The following VPS8 variants were observed in gnomAD, a reference collection of about 807,000 sequenced individuals.
VPS8 encodes vacuolar protein sorting-associated protein 8 homolog.
Under a neutral mutation model 216.4 loss-of-function variants are expected in VPS8, and 129 were observed. The observed-to-expected ratio is 0.60, with a 90% confidence interval of 0.52 to 0.69. The LOEUF is 0.69. VPS8 is among the 30% of genes least tolerant of loss of function. VPS8 has a pLI of 0.00. For missense variants in VPS8, 1,531 were observed against 1,683.5 expected, an observed-to-expected ratio of 0.91 and a Z score of 1.59; for synonymous variants, 571 against 565.4, an observed-to-expected ratio of 1.01 and a Z score of -0.14.
chr3:184,966,510 T>C (rs1366727628), intron 38 of VPS8, among the ~76,000 whole-genome samples, 161 bp from the exon 39 acceptor site: 1 of 152,224 alleles, frequency 6.6e-6, no homozygotes, highest in Non-Finnish European at 1.5e-5. Context: ...AGCTGTACTT[T>C]CTATAAACAG....
At chr3:184,988,271 T>C (rs1303826451) in intron 42 of VPS8, among the ~76,000 whole-genome samples, 4 of 152,222 alleles carry the variant, frequency 2.6e-5, no homozygotes, top group Non-Finnish European at 5.9e-5. Context: ...TTCTCATTTG[T>C]TTTTTCCTAA....
chr3:184,976,925 G>A (rs1335364765), intron 40 of VPS8, among the ~76,000 whole-genome samples: 1 of 152,062 alleles, frequency 6.6e-6, no homozygotes, highest in East Asian at 1.9e-4. Context: ...GTCAACATAT[G>A]GTACATGTAT....
chr3:184,863,097 A>G (rs752109828), intron 16 of VPS8, 30 bp downstream of exon 16: 3 of 1,603,136 alleles, frequency 1.9e-6, no homozygotes, highest in Non-Finnish European at 2.6e-6. Flanking sequence ...TTGCTATCCT[A>G]GAAAATACTT....
At chr3:184,964,849 C>T (rs1747126575) in intron 38 of VPS8, among the ~76,000 whole-genome samples, 1 of 152,142 alleles carries the variant, frequency 6.6e-6, no homozygotes, top group African/African-American at 2.4e-5. Context: ...TCAGGGGACA[C>T]CTGGGCTGCT....
At chr3:185,044,839 C>A (rs1712502197) in intron 46 of VPS8, among the ~76,000 whole-genome samples, 1 of 152,150 alleles carries the variant, frequency 6.6e-6, no homozygotes, top group Non-Finnish European at 1.5e-5. Flanking sequence ...AGTTTTGAGG[C>A]ATTGGAGAAT....
At chr3:184,923,332 A>G (rs1469240274) in intron 29 of VPS8, among the ~76,000 whole-genome samples, 1 of 152,112 alleles carries the variant, frequency 6.6e-6, no homozygotes, top group East Asian at 1.9e-4. Context: ...GGCTCAAAAA[A>G]TGTCCTGTTT....
At chr3:184,844,219 C>T (rs370743111) in intron 8 of VPS8, among the ~76,000 whole-genome samples, 103 of 151,984 alleles carry the variant, frequency 6.8e-4, no homozygotes, top group African/African-American at 2.3e-3. Flanking sequence ...GTCAGTAGTT[C>T]GAGACCAGCC....
chr3:185,012,663 T>TAA (rs201795574), intron 45 of VPS8, among the ~76,000 whole-genome samples: 36 of 151,516 alleles, frequency 2.4e-4, no homozygotes, highest in Middle Eastern at 6.8e-3. Context: ...GATTTCTCAT[T>TAA]TAAAAAAAAA....
At chr3:184,861,672 TTGTTTTGTAAA>T (rs1185827471) in intron 15 of VPS8, among the ~76,000 whole-genome samples, 1 of 152,230 alleles carries the variant, frequency 6.6e-6, no homozygotes. Context: ...ATTAACTGCA[TTGTTTTGTAAA>T]TTACCCTTAA....
chr3:184,940,207 T>C lies in VPS8; in HGVS notation c.2999T>C (p.Leu1000Ser). 6.7e-7 allele frequency: 1 copy of C among 1,496,826 alleles called. No individual in the cohort carries two copies. The highest frequency in any genetic ancestry group is 9.0e-7 in the Non-Finnish European group (1 of 1,116,008). 92.7% of individuals were successfully genotyped at this position (1,496,826 alleles called of 1,614,324 possible). ...TVIKKLQNQV[L>S]LFKFLRSLLD... is the part of the protein sequence containing the mutation. ...TGTTTTTCTGTTCAGAACCAGGTTT[T>C]GCTTTTCAAATTTTTGAGGAGTCTT... Residue 1000 changes from leucine to serine, a missense_variant, in exon 36 of 48, where the codon TTG becomes TCG. Physicochemically the swap from Leu to Ser is moderately radical, Grantham distance 145. Around this residue, in one of 3 missense-constraint regions of VPS8, gnomAD observed 1,318 missense variants for 1,468.4 expected, o/e 0.90. Transcript: ENST00000625842.
chr3:184,905,550 A>G lies in VPS8; in HGVS notation c.2146+4578A>G, dbSNP rs534645937. On this transcript the variant is annotated intron_variant, in intron 25 of 47. Transcript: ENST00000625842. ...CATAGAATCAATTTTGATTTCATGC[A>G]TTCAACTTTAGTCTATTTGCTTTCT... Among the ~76,000 whole-genome samples the G allele has an allele frequency of 4.0e-5, 6 of 148,980 alleles. No individual in the cohort carries two copies. In the East Asian group the frequency reaches 9.7e-4, roughly 24 times the overall value.
chr3:185,008,465 A>G (rs923297685), intron 45 of VPS8, among the ~76,000 whole-genome samples: 7 of 152,250 alleles, frequency 4.6e-5, no homozygotes, highest in African/African-American at 1.7e-4. Flanking sequence ...ATAATTAGGT[A>G]AACAAGCATT....
intron 22 of VPS8, among the ~76,000 whole-genome samples, 182 bp downstream of exon 22, chr3:184,886,338 A>T (rs889405463): frequency 6.6e-6 from 1 of 152,156 alleles, no homozygotes; most frequent in Admixed American, 6.5e-5. Flanking sequence ...CCTAAGACAG[A>T]TGCTATGGAT....
chr3:184,938,717 A>G (rs1202076191), intron 35 of VPS8, among the ~76,000 whole-genome samples: 2 of 148,316 alleles, frequency 1.3e-5, no homozygotes, highest in African/African-American at 5.0e-5. Flanking sequence ...AATGTCATTC[A>G]TCAGACAAAT....
chr3:184,982,502 C>G, intron 40 of VPS8, 64 bp from the exon 41 acceptor site: 1 of 1,208,566 alleles, frequency 8.3e-7, no homozygotes, highest in South Asian at 1.3e-5. Context: ...GTTAGTTATT[C>G]TTTTGTTTTT....
chr3:185,005,625 T>A lies in VPS8; in HGVS notation c.4002+5764T>A, dbSNP rs548151322. Among the ~76,000 whole-genome samples, 51 of 150,330 alleles carry A rather than the reference T, an allele frequency of 3.4e-4. No individual in the cohort carries two copies. In the South Asian group the frequency reaches 7.3e-3, roughly 22 times the overall value. On this transcript the variant is annotated intron_variant, in intron 45 of 47. Transcript: ENST00000625842. ...GGTATATTCCTAAGTATTTTATTTA[T>A]TTTATTTATTTATTTATTTATTTAT...
chr3:184,979,640 T>G (rs544781819), intron 40 of VPS8, among the ~76,000 whole-genome samples: 1 of 152,168 alleles, frequency 6.6e-6, no homozygotes, highest in African/African-American at 2.4e-5. Flanking sequence ...TTTTATTTTT[T>G]TGTTTGCTTG....
At chr3:184,955,097 C>A (rs534680743) in intron 36 of VPS8, among the ~76,000 whole-genome samples, 2 of 152,038 alleles carry the variant, frequency 1.3e-5, no homozygotes, top group South Asian at 4.2e-4. Flanking sequence ...CTTAGCAGAC[C>A]GCGAAAGGGA....
At chr3:184,978,097 G>A (rs1320814403) in intron 40 of VPS8, among the ~76,000 whole-genome samples, 2 of 151,518 alleles carry the variant, frequency 1.3e-5, no homozygotes, top group Admixed American at 1.3e-4. Flanking sequence ...TTTTATTACT[G>A]CTTCAATTTC....
Sources: gnomAD v4.1 joint callset for allele counts (sites outside exome capture counted in the v4.1 genomes callset) on GRCh38, gnomAD v4.1.1 for gene constraint, gnomAD v4.1.1 regional missense constraint, MANE v1.5 for transcripts, NCBI Gene and HGNC (gene_info 2026-07-23, HGNC 2026-07-21) for gene names.